RNF125: variants seen among roughly 807,000 people sequenced by gnomAD.
RNF125 encodes the protein E3 ubiquitin-protein ligase RNF125.
In RNF125, 21 loss-of-function variants were observed where a neutral mutation model predicts 26.0. The ratio of observed to expected loss-of-function variants is 0.81; its 90% confidence interval spans 0.57 to 1.16. RNF125 has a LOEUF of 1.16. RNF125 is among the 50% of genes most tolerant of loss of function. The pLI, the probability that RNF125 is intolerant of heterozygous loss-of-function variation, is 0.00. For missense variants in RNF125, 270 were observed against 299.4 expected, an observed-to-expected ratio of 0.90 and a Z score of 0.72; for synonymous variants, 95 against 109.2, an observed-to-expected ratio of 0.87 and a Z score of 0.81.
intron 1 of RNF125, among the ~76,000 whole-genome samples, chr18:32,033,814 C>G (rs2039123965): frequency 6.8e-6 from 1 of 147,704 alleles, no homozygotes; most frequent in African/African-American, 2.5e-5. Flanking sequence ...AGTGAAATTT[C>G]ATCTCAAACA....
chr18:32,060,962 C>A (rs2039428545), intron 4 of RNF125, among the ~76,000 whole-genome samples: 1 of 152,174 alleles, frequency 6.6e-6, no homozygotes, highest in Non-Finnish European at 1.5e-5. Flanking sequence ...GAGTTCAAGG[C>A]CAGCCTGGTC....
the RNF125 span, among the ~76,000 whole-genome samples, chr18:32,080,949 G>A: frequency 1.3e-5 from 2 of 152,184 alleles, no homozygotes; most frequent in African/African-American, 2.4e-5. Flanking sequence ...CACTTTGGGA[G>A]GCTGAGGCAG....
At chr18:32,090,609 T>A in the RNF125 span, among the ~76,000 whole-genome samples, 1 of 152,254 alleles carries the variant, frequency 6.6e-6, no homozygotes, top group Non-Finnish European at 1.5e-5. Flanking sequence ...AATCATTCCA[T>A]TTCCTATCCT....
At chr18:32,085,371 AGC>A in the RNF125 span, among the ~76,000 whole-genome samples, 25 of 103,444 alleles carry the variant, frequency 2.4e-4, no homozygotes, top group African/African-American at 1.0e-3. Context: ...CACTGCCAGA[AGC>A]AGAGAGAGAG....
chr18:32,044,016 T>C (rs866544475), intron 3 of RNF125, among the ~76,000 whole-genome samples: 3 of 152,050 alleles, frequency 2.0e-5, no homozygotes, highest in South Asian at 2.1e-4. Flanking sequence ...TTTCTTTTCT[T>C]TTCTTTTTGA....
chr18:32,056,488 T>G (rs1326095813), intron 4 of RNF125, among the ~76,000 whole-genome samples: 1 of 151,874 alleles, frequency 6.6e-6, no homozygotes, highest in Non-Finnish European at 1.5e-5. Context: ...TGGTGGCCCA[T>G]GCCTGTAATC....
chr18:32,037,025 C>A (rs1298073649), intron 1 of RNF125, 91 bp from the exon 2 acceptor site: 6 of 1,177,522 alleles, frequency 5.1e-6, no homozygotes, highest in Non-Finnish European at 7.2e-6. Flanking sequence ...TACGAGGTGT[C>A]ATTAAATTAC....
At chr18:32,075,049 C>G (rs958029585), downstream of RNF125, among the ~76,000 whole-genome samples, 1 of 152,168 alleles carries the variant, frequency 6.6e-6, no homozygotes, top group African/African-American at 2.4e-5. Flanking sequence ...ATCAGAACCA[C>G]TTGGGATACT....
intron 1 of RNF125, among the ~76,000 whole-genome samples, chr18:32,034,954 G>T (rs112590817): frequency 6.6e-6 from 1 of 151,234 alleles, no homozygotes; most frequent in African/African-American, 2.4e-5. Context: ...AAAAGGAAAG[G>T]GTAGGAACCA....
intron 4 of RNF125, among the ~76,000 whole-genome samples, chr18:32,047,646 G>A (rs773792297): frequency 2.0e-5 from 3 of 152,142 alleles, no homozygotes; most frequent in Non-Finnish European, 4.4e-5. Context: ...ATTTTATGTA[G>A]TATGTAGTTT....
rs574815202 is a variant in RNF125, at chr18:32,044,068, G to A, written c.414-1574G>A. Among the ~76,000 whole-genome samples, 14 of 151,898 alleles carry A rather than the reference G, an allele frequency of 9.2e-5. No homozygotes were observed. The South Asian group carries it at 1.9e-3, about 20-fold the overall frequency. ...GTCACCCAGGCTGGAGTGCAGCAGC[G>A]CAATCTTGGCTCACTGCAACCTCTG... On this transcript the variant is annotated intron_variant, in intron 3 of 5. Coordinates refer to ENST00000217740, the MANE Select transcript of RNF125 (RefSeq NM_017831.4).
At chr18:32,036,623 G>A (rs2039157490) in intron 1 of RNF125, among the ~76,000 whole-genome samples, 2 of 122,696 alleles carry the variant, frequency 1.6e-5, no homozygotes, top group Admixed American at 1.7e-4. Flanking sequence ...GGAGGGAGGG[G>A]AGAGGGGAGG....
chr18:32,086,934 G>A, the RNF125 span, among the ~76,000 whole-genome samples: 2 of 152,122 alleles, frequency 1.3e-5, no homozygotes, highest in South Asian at 2.1e-4. Flanking sequence ...TTACAGGAAT[G>A]AGCCACCATG....
intron 1 of RNF125, among the ~76,000 whole-genome samples, chr18:32,020,737 C>T (rs1480193165): frequency 1.3e-5 from 2 of 151,432 alleles, no homozygotes; most frequent in African/African-American, 2.4e-5. Flanking sequence ...GGTGAAACCT[C>T]GTCTCTACTA....
intron 1 of RNF125, among the ~76,000 whole-genome samples, chr18:32,029,931 C>T (rs1240402221): frequency 6.6e-6 from 1 of 152,142 alleles, no homozygotes; most frequent in African/African-American, 2.4e-5. Context: ...TGAGAATGGG[C>T]TGAAGAGAGC....
downstream of RNF125, among the ~76,000 whole-genome samples, chr18:32,074,724 G>C (rs1439301741): frequency 6.6e-6 from 1 of 152,082 alleles, no homozygotes; most frequent in Admixed American, 6.6e-5. Flanking sequence ...TGTATTTTTA[G>C]TAGAGACGGA....
rs79393823 is a variant in RNF125, at chr18:32,056,879, T to G, written c.505-9023T>G. Among the ~76,000 whole-genome samples, 109 of 152,274 alleles carry G rather than the reference T, an allele frequency of 7.2e-4. 3 individuals are homozygous for G. In the East Asian group the frequency reaches 0.02, roughly 28 times the overall value. On this transcript the variant is annotated intron_variant, in intron 4 of 5. Coordinates refer to ENST00000217740, the MANE Select transcript of RNF125 (RefSeq NM_017831.4). ...TCTTCCTTACCTCTCTTCCTCAAGCTTATACATAATAGACATACAGCAGCA... is the reference window on the plus strand; with the variant it reads ...TCTTCCTTACCTCTCTTCCTCAAGCGTATACATAATAGACATACAGCAGCA...
Position 32,054,918 on chromosome 18 carries a change from C to A in RNF125, c.504+9186C>A, listed in dbSNP as rs555136534. Among the ~76,000 whole-genome samples the A allele has an allele frequency of 4.2e-3, 637 of 152,204 alleles. 7 individuals are homozygous for A. The highest frequency in any genetic ancestry group is 0.015 in the African/African-American group (617 of 41,530). On this transcript the variant is annotated intron_variant, in intron 4 of 5. Transcript: ENST00000217740. The stretch of plus-strand genomic sequence containing the variant: ...AATAAAATATATATTATCTAATCTG[C>A]AAAGTATATATTTTATTCCTACTTT...
chr18:32,076,031 GT>G, downstream of RNF125: 2 of 813,826 alleles, frequency 2.5e-6, no homozygotes, highest in Non-Finnish European at 4.3e-6. Context: ...AGATCTTTGA[GT>G]TGCACGTCAA....
Sources: allele counts gnomAD v4.1 joint callset (sites outside exome capture counted in the v4.1 genomes callset), GRCh38; gene constraint gnomAD v4.1.1; transcripts MANE v1.5; gene names NCBI Gene and HGNC (gene_info 2026-07-23, HGNC 2026-07-21).